Variants in SORL1 observed in about 807,000 individuals in gnomAD.
SORL1 encodes sortilin-related receptor.
Under a neutral mutation model 273.7 loss-of-function variants are expected in SORL1, and 127 were observed. The observed-to-expected ratio is 0.46, with a 90% confidence interval of 0.40 to 0.54. The LOEUF is 0.54. SORL1 is among the 20% of genes least tolerant of loss of function. The pLI, the probability that SORL1 is intolerant of heterozygous loss-of-function variation, is 0.00. For missense variants in SORL1, 2,494 were observed against 2,846.1 expected (o/e 0.88, Z 2.81); for synonymous variants, 1,031 against 1,067.4 (o/e 0.97, Z 0.66).
In SORL1 at chr11:121,583,501, C is replaced by G; in HGVS notation, c.3624C>G (p.Asn1208Lys). The change falls in exon 26 of 48, where the codon AAC becomes AAG. Residue 1208 changes from asparagine to lysine, a missense_variant. Around this residue, in one of 3 missense-constraint regions of SORL1, gnomAD observed 1,609 missense variants for 1,816.4 expected, o/e 0.89. Coordinates refer to ENST00000260197, the MANE Select transcript of SORL1 (RefSeq NM_003105.6). ...TCEASNFQCRNGHCIPQRWAC... is the reference protein window; with the variant it reads ...TCEASNFQCRKGHCIPQRWAC... ...AGGCCTCCAACTTCCAGTGCCGAAA[C>G]GGGCACTGCATCCCCCAGCGGTGGG... 1 of 1,612,910 alleles carries G rather than the reference C, an allele frequency of 6.2e-7. No homozygotes were observed. Among genetic ancestry groups the G allele is most frequent in the South Asian group, 1.1e-5 (1 of 90,944 alleles).
chr11:121,571,595 T>A (rs1383954394), intron 23 of SORL1, among the ~76,000 whole-genome samples: 1 of 152,216 alleles, frequency 6.6e-6, no homozygotes, highest in African/African-American at 2.4e-5. Context: ...AAGAACAGAT[T>A]AATGGGAAGC....
rs1565335568 is a variant in SORL1, at chr11:121,557,297, C to G, written c.2572-17C>G. 2 of 1,592,080 alleles carry G rather than the reference C, an allele frequency of 1.3e-6. No homozygotes were observed. Among genetic ancestry groups the G allele is most frequent in the East Asian group, 4.5e-5 (2 of 44,774 alleles). On this transcript the variant is annotated splice_polypyrimidine_tract_variant and intron_variant, in intron 18 of 47. Transcript: ENST00000260197. ...GCTCCGATCCATCTCAGCCTCTTTT[C>G]CCCCTGTTTTTGTCAGGTAGCTAAT... is the stretch of plus-strand genomic sequence containing the variant.
At chr11:121,608,589 T>C (rs897951737) in intron 38 of SORL1, 4 of 195,194 alleles carry the variant, frequency 2.0e-5, no homozygotes, top group Non-Finnish European at 4.2e-5. Flanking sequence ...ACTGGCAAAC[T>C]GTGTGTAGGT....
chr11:121,572,429 C>T (rs866823562), intron 23 of SORL1, among the ~76,000 whole-genome samples: 1 of 152,082 alleles, frequency 6.6e-6, no homozygotes, highest in African/African-American at 2.4e-5. Flanking sequence ...TCTGCTCCGT[C>T]GTCTCCCTGT....
chr11:121,595,897 G>T lies in SORL1; in HGVS notation c.4519+125G>T. ...TGAGTCTGTGTACTTGCGTAACCATGCTCTTACTGCATTCTCCACAAGCGC... is the reference window on the plus strand; with the variant it reads ...TGAGTCTGTGTACTTGCGTAACCATTCTCTTACTGCATTCTCCACAAGCGC... On this transcript the variant is annotated intron_variant, in intron 32 of 47. Transcript: ENST00000260197. This position sits in a 1 kb window ranked among gnomAD's most constrained non-coding sequence, Gnocchi z 5.1. 2 of 1,008,660 alleles carry T rather than the reference G, an allele frequency of 2.0e-6. No homozygotes were observed. Among genetic ancestry groups the T allele is most frequent in the Non-Finnish European group, 2.8e-6 (2 of 709,508 alleles). The allele number at this position is 1,008,660 out of a possible 1,614,324, so 62.5% of individuals were successfully genotyped here.
In SORL1 at chr11:121,622,602, GAGCCT is replaced by G. The variant is rs1284995705; in HGVS notation, c.6171+336_6171+340del. On this transcript the variant is annotated intron_variant, in intron 45 of 47. Coordinates refer to ENST00000260197, the MANE Select transcript of SORL1 (RefSeq NM_003105.6). Reference sequence around the variant, plus strand: ...GCTGGGGCTCAGGGTGTTAAACCAGGAGCCTATTCCACACTCGCTGAGGGTGGGAC... The same window carrying G: ...GCTGGGGCTCAGGGTGTTAAACCAGGATTCCACACTCGCTGAGGGTGGGAC... 9.2e-5 allele frequency among the ~76,000 whole-genome samples: 14 copies of G among 152,340 alleles called. No individual in the cohort carries two copies. In the East Asian group the frequency reaches 2.3e-3, roughly 25 times the overall value.
At chr11:121,541,516 A>AT (rs1270998725) in intron 12 of SORL1, among the ~76,000 whole-genome samples, 1 of 152,142 alleles carries the variant, frequency 6.6e-6, no homozygotes, top group Non-Finnish European at 1.5e-5. Context: ...AGCCAAATCG[A>AT]TTTTAATAAT....
chr11:121,518,861 G>A (rs1861991501), intron 8 of SORL1, among the ~76,000 whole-genome samples: 1 of 152,150 alleles, frequency 6.6e-6, no homozygotes, highest in South Asian at 2.1e-4. Flanking sequence ...GGAGATGGTT[G>A]ATGGAGGACA....
At chr11:121,465,188 C>T (rs1000823776) in intron 1 of SORL1, among the ~76,000 whole-genome samples, 3 of 152,188 alleles carry the variant, frequency 2.0e-5, no homozygotes. Context: ...CCCAGCCCCT[C>T]GTAACCACTA....
rs1312797326 is a variant in SORL1, at chr11:121,632,117, C to T, written c.*2554C>T. 1 of 152,194 alleles carries T rather than the reference C, an allele frequency of 6.6e-6. No homozygotes were observed. The highest frequency in any genetic ancestry group is 1.5e-5 in the Non-Finnish European group (1 of 68,062). The allele number at this position is 152,194 out of a possible 1,614,324, so 9.4% of individuals were successfully genotyped here. ...TTTTGTACCTTGTTGGAGATGCCAC[C>T]TCAGAAGTTCACACTGTGCAGGAAA... On this transcript the variant is annotated 3_prime_UTR_variant, in exon 48 of 48. Transcript: ENST00000260197.
chr11:121,537,889 A>T (rs553438172), intron 12 of SORL1, among the ~76,000 whole-genome samples: 82 of 152,296 alleles, frequency 5.4e-4, no homozygotes, highest in South Asian at 1.5e-3. Flanking sequence ...AAGCCTTTCA[A>T]GTATTTAAGG....
intron 14 of SORL1, among the ~76,000 whole-genome samples, chr11:121,547,810 C>T (rs966661086): frequency 3.3e-5 from 5 of 152,064 alleles, no homozygotes; most frequent in African/African-American, 9.7e-5. Context: ...GACTATGGCA[C>T]TGAGAAGGAA....
Position 121,520,658 on chromosome 11 carries a change from T to C in SORL1, c.1213T>C (p.Tyr405His). The change falls in exon 9 of 48, where the codon TAT (tyrosine) becomes CAT (histidine). Residue 405 changes from tyrosine to histidine, a missense_variant and splice_region_variant. Physicochemically the swap from Tyr to His is moderately conservative, Grantham distance 83. Transcript: ENST00000260197. ...GGAGSDTLVR[Y>H]FANEPFADFH... ...TAGCTGTTTATTTTCATATTGTAGGTATTTTGCAAATGAACCATTTGCTGA... is the reference window on the plus strand; with the variant it reads ...TAGCTGTTTATTTTCATATTGTAGGCATTTTGCAAATGAACCATTTGCTGA... The C allele has an allele frequency of 2.6e-6, 4 of 1,560,894 alleles. No homozygotes were observed. The highest frequency in any genetic ancestry group is 3.5e-6 in the Non-Finnish European group (4 of 1,152,764).
At position 121,629,893 on chromosome 11, in the gene SORL1, A is replaced by T. The variant is rs1467219416; in HGVS notation, c.*330A>T. ...TGGCCAATCTTTTTATTTTTCTAAG[A>T]CACAGAAATGTATTTAATAAAAACC... On this transcript the variant is annotated 3_prime_UTR_variant, in exon 48 of 48. Coordinates refer to ENST00000260197, the MANE Select transcript of SORL1 (RefSeq NM_003105.6). 3.4e-6 allele frequency: 1 copy of T among 290,916 alleles called. No individual in the cohort carries two copies. The highest frequency in any genetic ancestry group is 4.8e-5 in the Admixed American group (1 of 21,048). The allele number at this position is 290,916 out of a possible 1,614,324, so 18.0% of individuals were successfully genotyped here.
In SORL1 at chr11:121,458,623, C is replaced by T. The variant is rs868539256; in HGVS notation, c.285+6007C>T. ...ATGGTATAGTCAGTCTAGCCACGTA[C>T]ATGCAAAAATCAATTTCCCTCAATT... On this transcript the variant is annotated intron_variant, in intron 1 of 47. Coordinates refer to ENST00000260197, the MANE Select transcript of SORL1 (RefSeq NM_003105.6). Among the ~76,000 whole-genome samples, 19 of 152,290 alleles carry T rather than the reference C, an allele frequency of 1.2e-4. 1 individual carries two copies. The highest frequency in any genetic ancestry group is 2.1e-4 in the South Asian group (1 of 4,824).
intron 6 of SORL1, among the ~76,000 whole-genome samples, chr11:121,509,875 A>G (rs1591305774): frequency 6.6e-6 from 1 of 152,240 alleles, no homozygotes; most frequent in Admixed American, 6.5e-5. Context: ...AAATATTTAA[A>G]TCATTTCTAC....
intron 14 of SORL1, among the ~76,000 whole-genome samples, chr11:121,545,931 A>T (rs747972855): frequency 2.0e-5 from 3 of 152,232 alleles, no homozygotes; most frequent in Non-Finnish European, 4.4e-5. Context: ...GGCACAGGAG[A>T]TAGAAGAGAG....
intron 12 of SORL1, among the ~76,000 whole-genome samples, chr11:121,534,542 A>G (rs1682165814): frequency 6.6e-6 from 1 of 152,236 alleles, no homozygotes; most frequent in African/African-American, 2.4e-5. Flanking sequence ...GTTCAAATAA[A>G]GCATTTGAAA....
intron 6 of SORL1, among the ~76,000 whole-genome samples, chr11:121,504,013 C>T (rs1272991931): frequency 6.6e-6 from 1 of 152,200 alleles, no homozygotes; most frequent in Non-Finnish European, 1.5e-5. Flanking sequence ...ATCATGCCTT[C>T]CAATGCATGG....
Sources: allele counts gnomAD v4.1 joint callset (sites outside exome capture counted in the v4.1 genomes callset), GRCh38; gene constraint gnomAD v4.1.1; regional missense constraint gnomAD v4.1.1; non-coding constraint Gnocchi (gnomAD v3.1); transcripts MANE v1.5; gene names NCBI Gene and HGNC (gene_info 2026-07-23, HGNC 2026-07-21).